The following RIC8B variants were observed in gnomAD, a reference collection of about 807,000 sequenced individuals.
RIC8B encodes the protein RIC8 guanine nucleotide exchange factor B, also known as chaperone Ric-8B.
Under a neutral mutation model 57.5 loss-of-function variants are expected in RIC8B, and 16 were observed. That is an observed-to-expected ratio of 0.28 (90% CI 0.19 to 0.42). The LOEUF (loss-of-function observed/expected upper bound fraction) is 0.42, where lower values mean the gene tolerates loss of function less well. Among genes scored for constraint, RIC8B ranks in the 10% least tolerant of loss-of-function variants. The probability of loss-of-function intolerance (pLI) is 1.00; values close to 1 mark genes in which losing one functional copy is unlikely to be tolerated. For synonymous variants in RIC8B, 216 were observed against 250.8 expected (o/e 0.86, Z 1.31); for missense variants, 481 against 677.0 (o/e 0.71, Z 3.21).
At position 106,848,176 on chromosome 12, in the gene RIC8B, G is replaced by A. The variant is rs376006976; in HGVS notation, c.1162-3274G>A. On this transcript the variant is annotated intron_variant, in intron 6 of 9. Coordinates refer to ENST00000392837, the MANE Select transcript of RIC8B (RefSeq NM_001330145.2). ...AAGGAGAGAGCCATGCAAGTTTCTA[G>A]AAAAAGAGTTTCTGGGCAGAAGGAG... Among the ~76,000 whole-genome samples, 7 of 152,328 alleles carry A rather than the reference G, an allele frequency of 4.6e-5. No individual in the cohort carries two copies. In the South Asian group the frequency reaches 1.0e-3, roughly 23 times the overall value.
At position 106,815,061 on chromosome 12, in the gene RIC8B, C is replaced by G; in HGVS notation, c.498C>G (p.Arg166=). ...ATGACATTAAGTGCTTTGACTTGCG[C>G]TTGCTCTTCCTTCTGTCACTTTTGC... ...FINDIKCFDL[R]LLFLLSLLHT... The change falls in exon 3 of 10, where the codon CGC becomes CGG. Residue 166 remains arginine (R), a synonymous_variant. Transcript: ENST00000392837. 1 of 1,614,252 alleles carries G rather than the reference C, an allele frequency of 6.2e-7. No homozygotes were observed. Among genetic ancestry groups the G allele is most frequent in the Non-Finnish European group, 8.5e-7 (1 of 1,180,048 alleles).
At chr12:106,798,091 C>A (rs1248767712) in intron 2 of RIC8B, 2 of 715,950 alleles carry the variant, frequency 2.8e-6, no homozygotes, top group Non-Finnish European at 5.2e-6. Flanking sequence ...AATAAAATAA[C>A]TAGTGAAGAA....
intron 4 of RIC8B, among the ~76,000 whole-genome samples, chr12:106,830,706 A>G (rs572756782): frequency 5.3e-5 from 8 of 152,306 alleles, no homozygotes; most frequent in African/African-American, 1.9e-4. Context: ...ACCTGGAGGA[A>G]CATGGAGACT....
intron 1 of RIC8B, 58 bp downstream of exon 1, chr12:106,774,887 T>G: frequency 7.7e-7 from 1 of 1,291,934 alleles, no homozygotes; most frequent in Non-Finnish European, 1.1e-6. Flanking sequence ...CCTCCGTGCT[T>G]GCACATCGCA....
chr12:106,854,071 G>T (rs1949611773), intron 7 of RIC8B, among the ~76,000 whole-genome samples: 1 of 151,992 alleles, frequency 6.6e-6, no homozygotes, highest in South Asian at 2.1e-4. Flanking sequence ...GGAGACGAAG[G>T]GACTATGGGA....
At chr12:106,857,431 A>G (rs1337969414) in intron 7 of RIC8B, among the ~76,000 whole-genome samples, 1 of 152,172 alleles carries the variant, frequency 6.6e-6, no homozygotes, top group Non-Finnish European at 1.5e-5. Context: ...GTAACTGTCT[A>G]TGTTATTACC....
rs530947744 is a variant in RIC8B, at chr12:106,785,299, C to T, written c.132+1255C>T. Among the ~76,000 whole-genome samples, 26 of 152,312 alleles carry T rather than the reference C, an allele frequency of 1.7e-4. No homozygotes were observed. In the Middle Eastern group the frequency reaches 0.014, roughly 80 times the overall value. ...TATTGTTTTCTACCTAGAGTGCTCT[C>T]TCCCTCTTGTACACCTCTTCTTTTT... On this transcript the variant is annotated intron_variant, in intron 2 of 9. Transcript: ENST00000392837.
intron 9 of RIC8B, among the ~76,000 whole-genome samples, chr12:106,883,909 C>T (rs1951067419): frequency 6.6e-6 from 1 of 152,182 alleles, no homozygotes; most frequent in Admixed American, 6.5e-5. Flanking sequence ...TCCTGCCCCT[C>T]CTTCATTGAA....
chr12:106,843,766 T>C (rs1382240997), intron 5 of RIC8B, 86 bp from the exon 6 acceptor site: 24 of 893,108 alleles, frequency 2.7e-5, no homozygotes, highest in Middle Eastern at 2.3e-4. Flanking sequence ...AAAAACAAAT[T>C]GATATCCTCA....
chr12:106,798,082 A>G (rs1198240031), intron 2 of RIC8B: 4 of 716,378 alleles, frequency 5.6e-6, no homozygotes, highest in Admixed American at 4.0e-5. Context: ...AAGTGACTGA[A>G]TAAAATAACT....
At chr12:106,799,450 C>T (rs1269348508) in intron 2 of RIC8B, among the ~76,000 whole-genome samples, 2 of 151,562 alleles carry the variant, frequency 1.3e-5, no homozygotes, top group Non-Finnish European at 2.9e-5. Flanking sequence ...CAAGTGATTT[C>T]AAGAAATTTG....
intron 2 of RIC8B, among the ~76,000 whole-genome samples, chr12:106,793,204 GTACCTT>G (rs916846220): frequency 2.6e-5 from 4 of 152,170 alleles, no homozygotes; most frequent in African/African-American, 9.7e-5. Flanking sequence ...AAGGGTTGCT[GTACCTT>G]TACTTCAGTT....
chr12:106,786,748 A>G (rs1285756627), intron 2 of RIC8B, among the ~76,000 whole-genome samples: 1 of 152,188 alleles, frequency 6.6e-6, no homozygotes, highest in Admixed American at 6.5e-5. Flanking sequence ...ATGGAATATT[A>G]TGATGTAGTA....
chr12:106,815,449 ACTT>A, intron 3 of RIC8B, 145 bp downstream of exon 3: 1 of 785,298 alleles, frequency 1.3e-6, no homozygotes, highest in Middle Eastern at 3.9e-4. Context: ...CCCAGGATAT[ACTT>A]CTTAACCATT....
chr12:106,837,090 G>A (rs182333623), intron 4 of RIC8B, among the ~76,000 whole-genome samples: 70 of 152,320 alleles, frequency 4.6e-4, no homozygotes, highest in Admixed American at 4.2e-3. Context: ...CCGGCCGGGC[G>A]CAGTGGCGCA....
chr12:106,815,014 T>G lies in RIC8B; in HGVS notation c.451T>G (p.Cys151Gly). Reference protein sequence around the residue: ...AAKLCNLLRKCKDRKFINDIK... With the variant: ...AAKLCNLLRKGKDRKFINDIK... ...AAAGCTCTGTAACCTCCTGAGAAAG[T>G]GCAAGGACCGGAAATTTATCAATGA... Residue 151 changes from cysteine to glycine, a missense_variant, in exon 3 of 10, where the codon TGC becomes GGC. Physicochemically the swap from Cys to Gly is radical, Grantham distance 159 (BLOSUM62 -3). Around this residue, in one of 3 missense-constraint regions of RIC8B, gnomAD observed 421 missense variants for 560.9 expected, o/e 0.75. Coordinates refer to ENST00000392837, the MANE Select transcript of RIC8B (RefSeq NM_001330145.2). 3 of 1,614,230 alleles carry G rather than the reference T, an allele frequency of 1.9e-6. No homozygotes were observed. The highest frequency in any genetic ancestry group is 2.2e-5 in the South Asian group (2 of 91,084).
intron 9 of RIC8B, among the ~76,000 whole-genome samples, chr12:106,872,843 A>T (rs1267755322): frequency 2.0e-5 from 3 of 152,232 alleles, no homozygotes; most frequent in Non-Finnish European, 4.4e-5. Context: ...AATGCCATTT[A>T]ACTGGGCCAT....
At chr12:106,836,004 G>A (rs776276604) in intron 4 of RIC8B, among the ~76,000 whole-genome samples, 66 of 152,100 alleles carry the variant, frequency 4.3e-4, no homozygotes, top group African/African-American at 1.2e-3. Context: ...CCAGTTCACC[G>A]AGGCTTTTAG....
chr12:106,779,505 T>G (rs897282527), intron 1 of RIC8B, among the ~76,000 whole-genome samples: 2 of 152,088 alleles, frequency 1.3e-5, no homozygotes, highest in Non-Finnish European at 2.9e-5. Context: ...GTGCTCTGAT[T>G]ACAGGCATGA....
Sources: gnomAD v4.1 joint callset for allele counts (sites outside exome capture counted in the v4.1 genomes callset) on GRCh38, gnomAD v4.1.1 for gene constraint, gnomAD v4.1.1 regional missense constraint, MANE v1.5 for transcripts, NCBI Gene and HGNC (gene_info 2026-07-23, HGNC 2026-07-21) for gene names.